The following STXBP5 variants were observed in gnomAD, a reference collection of about 807,000 sequenced individuals.
The protein encoded by STXBP5 is syntaxin-binding protein 5.
Under a neutral mutation model 152.4 loss-of-function variants are expected in STXBP5, and 50 were observed. That is an observed-to-expected ratio of 0.33 (90% CI 0.26 to 0.42). The LOEUF (loss-of-function observed/expected upper bound fraction) is 0.42, where lower values mean the gene tolerates loss of function less well. Among genes scored for constraint, STXBP5 ranks in the 10% least tolerant of loss-of-function variants. The pLI, the probability that STXBP5 is intolerant of heterozygous loss-of-function variation, is 1.00. For missense variants in STXBP5, 1,167 were observed against 1,388.6 expected, an observed-to-expected ratio of 0.84 and a Z score of 2.54; for synonymous variants, 492 against 494.7, an observed-to-expected ratio of 0.99 and a Z score of 0.07.
At chr6:147,227,119 G>C (rs373447217) in intron 2 of STXBP5, among the ~76,000 whole-genome samples, 11 of 152,166 alleles carry the variant, frequency 7.2e-5, no homozygotes, top group African/African-American at 2.7e-4. Flanking sequence ...AGGCTCTCCT[G>C]TTGTGTGGAT....
chr6:147,213,477 T>TGTGTGTGCGCGCGCGC, intron 2 of STXBP5, among the ~76,000 whole-genome samples: 75 of 131,322 alleles, frequency 5.7e-4, no homozygotes, highest in African/African-American at 2.0e-3. Context: ...TGTGTGTGTG[T>TGTGTGTGCGCGCGCGC]GCGCGCGCAT....
At chr6:147,275,513 G>A (rs986433267) in intron 7 of STXBP5, among the ~76,000 whole-genome samples, 12 of 112,298 alleles carry the variant, frequency 1.1e-4, no homozygotes, top group African/African-American at 4.0e-4. Context: ...TCATATATAT[G>A]TATAATTTTC....
intron 9 of STXBP5, among the ~76,000 whole-genome samples, chr6:147,291,756 AC>A (rs1423976486): frequency 6.6e-6 from 1 of 152,140 alleles, no homozygotes; most frequent in Non-Finnish European, 1.5e-5. Context: ...AAAGAAAAAA[AC>A]ATAAAATATC....
At chr6:147,211,363 C>G (rs117668778) in intron 2 of STXBP5, among the ~76,000 whole-genome samples, 4,628 of 150,726 alleles carry the variant, frequency 0.031, 114 homozygotes, top group Non-Finnish European at 0.051. Flanking sequence ...TTCAAAATTG[C>G]TACTTAGATG....
chr6:147,374,578 A>G (rs1434311536), intron 26 of STXBP5, among the ~76,000 whole-genome samples: 1 of 152,206 alleles, frequency 6.6e-6, no homozygotes, highest in Non-Finnish European at 1.5e-5. Flanking sequence ...CTCACTGAGG[A>G]AAATTTATAA....
chr6:147,352,060 AC>A (rs1429297584), intron 21 of STXBP5, among the ~76,000 whole-genome samples: 1 of 152,222 alleles, frequency 6.6e-6, no homozygotes, highest in African/African-American at 2.4e-5. Flanking sequence ...ACTTTAAATC[AC>A]TTTCTAGATT....
chr6:147,350,775 AAAT>A (rs1179664821), intron 21 of STXBP5, among the ~76,000 whole-genome samples: 3 of 152,200 alleles, frequency 2.0e-5, no homozygotes, highest in African/African-American at 2.4e-5. Flanking sequence ...TATTAACAAT[AAAT>A]AATAACATTT....
chr6:147,269,072 C>T (rs923123046), intron 7 of STXBP5, among the ~76,000 whole-genome samples: 5 of 152,170 alleles, frequency 3.3e-5, no homozygotes, highest in Non-Finnish European at 7.4e-5. Context: ...TAGAAGTCTA[C>T]AAAAGGACCC....
chr6:147,370,339 T>C (rs894563060), intron 25 of STXBP5, among the ~76,000 whole-genome samples: 14 of 152,046 alleles, frequency 9.2e-5, no homozygotes, highest in Admixed American at 9.2e-4. Context: ...TTCATGCATA[T>C]ATGCATATGG....
intron 21 of STXBP5, 60 bp downstream of exon 21, chr6:147,339,444 CA>C: frequency 7.9e-7 from 1 of 1,272,314 alleles, no homozygotes; most frequent in Non-Finnish European, 1.0e-6. Context: ...GCTAACCCAA[CA>C]CCAGAATTAT....
At chr6:147,352,356 C>A (rs901369590) in intron 21 of STXBP5, among the ~76,000 whole-genome samples, 3 of 152,164 alleles carry the variant, frequency 2.0e-5, no homozygotes, top group Non-Finnish European at 2.9e-5. Flanking sequence ...ATGAACCCAG[C>A]CAGGCACGGT....
chr6:147,375,976 C>T (rs930395461), intron 26 of STXBP5, among the ~76,000 whole-genome samples: 3 of 151,992 alleles, frequency 2.0e-5, no homozygotes, highest in African/African-American at 4.8e-5. Context: ...ATAAGTAAAC[C>T]TTGCCATCAC....
chr6:147,307,180 A>T (rs1003854302), intron 9 of STXBP5, among the ~76,000 whole-genome samples: 1 of 152,176 alleles, frequency 6.6e-6, no homozygotes, highest in Non-Finnish European at 1.5e-5. Context: ...TCAAGTGTCT[A>T]GTTTCTTAAA....
At chr6:147,261,796 A>G (rs565629183) in intron 5 of STXBP5, among the ~76,000 whole-genome samples, 16 of 151,070 alleles carry the variant, frequency 1.1e-4, no homozygotes, top group African/African-American at 3.9e-4. Context: ...GCTTATTTTT[A>G]CTCTATAGGC....
intron 21 of STXBP5, among the ~76,000 whole-genome samples, chr6:147,350,995 C>T (rs1432411700): frequency 6.6e-6 from 1 of 152,162 alleles, no homozygotes; most frequent in Non-Finnish European, 1.5e-5. Flanking sequence ...GTCCTAACCA[C>T]TATACTTATT....
chr6:147,344,784 A>G (rs1223334057), intron 21 of STXBP5, among the ~76,000 whole-genome samples: 1 of 128,892 alleles, frequency 7.8e-6, no homozygotes, highest in African/African-American at 2.9e-5. Context: ...TTGCAAGGAT[A>G]CAATTCATTC....
At chr6:147,334,115 A>G (rs767980970) in intron 18 of STXBP5, 42 bp from the exon 19 acceptor site, 2 of 1,591,912 alleles carry the variant, frequency 1.3e-6, no homozygotes, top group African/African-American at 1.3e-5. Flanking sequence ...CTGCACTTAC[A>G]TAAATGTATG....
Position 147,204,546 on chromosome 6 carries a change from A to G in STXBP5, c.14A>G (p.Asn5Ser), listed in dbSNP as rs767046612. The G allele has an allele frequency of 6.2e-6, 10 of 1,611,942 alleles. No homozygotes were observed. The highest frequency in any genetic ancestry group is 3.3e-5 in the Admixed American group (2 of 59,912). The change falls in exon 1 of 28, where the codon AAC becomes AGC. Residue 5 changes from asparagine to serine, a missense_variant. By Grantham distance (46) the Asn-to-Ser change is conservative. Coordinates refer to ENST00000321680, the MANE Select transcript of STXBP5 (RefSeq NM_001127715.4). This position sits in a 1 kb window ranked among gnomAD's most constrained non-coding sequence, Gnocchi z 4.3. ...CCCTCCGAGACCATGAGGAAATTCA[A>G]CATCAGGAAGGTGCTGGACGGCCTG... MRKFNIRKVLDGLTA... is the reference protein window; with the variant it reads MRKFSIRKVLDGLTA...
intron 2 of STXBP5, among the ~76,000 whole-genome samples, chr6:147,234,787 C>T (rs1174533026): frequency 6.6e-6 from 1 of 151,900 alleles, no homozygotes; most frequent in African/African-American, 2.4e-5. Flanking sequence ...TTAAAAATTA[C>T]ACTGCAGAAA....
Sources: allele counts gnomAD v4.1 joint callset (sites outside exome capture counted in the v4.1 genomes callset), GRCh38; gene constraint gnomAD v4.1.1; non-coding constraint Gnocchi (gnomAD v3.1); transcripts MANE v1.5; gene names NCBI Gene and HGNC (gene_info 2026-07-23, HGNC 2026-07-21).